The following NUP107 variants were observed in gnomAD, a reference collection of about 807,000 sequenced individuals.
NUP107 encodes nucleoporin 107, also known as nuclear pore complex protein Nup107.
In NUP107, 101 loss-of-function variants were observed where a neutral mutation model predicts 141.0. The observed-to-expected ratio is 0.72, with a 90% CI of 0.61 to 0.84. The LOEUF (loss-of-function observed/expected upper bound fraction) is 0.84. NUP107 is among the 40% of genes least tolerant of loss of function. The pLI, the probability that NUP107 is intolerant of heterozygous loss-of-function variation, is 0.00. For missense variants in NUP107, 941 were observed against 1,102.7 expected, an observed-to-expected ratio of 0.85 and a Z score of 2.08; for synonymous variants, 319 against 363.9, an observed-to-expected ratio of 0.88 and a Z score of 1.41.
intron 20 of NUP107, 94 bp downstream of exon 20, chr12:68,727,483 A>G: frequency 1.4e-6 from 1 of 691,882 alleles, no homozygotes; most frequent in Non-Finnish European, 2.5e-6. Flanking sequence ...GTGGTAAGAA[A>G]GCATCAGAAT....
At chr12:68,740,615 T>TCA (rs1405796062) in intron 26 of NUP107, among the ~76,000 whole-genome samples, 1 of 152,146 alleles carries the variant, frequency 6.6e-6, no homozygotes, top group Non-Finnish European at 1.5e-5. Context: ...ATATAGCCTC[T>TCA]CACATGAAGA....
intron 14 of NUP107, 82 bp downstream of exon 14, chr12:68,719,736 A>C (rs978523000): frequency 1.0e-6 from 1 of 995,622 alleles, no homozygotes; most frequent in Non-Finnish European, 1.6e-6. Context: ...AAACATTGAA[A>C]GTAGTGTAAA....
At position 68,731,731 on chromosome 12, in the gene NUP107, TG is replaced by T. The variant is rs751837282; in HGVS notation, c.1998+19del. 5.0e-6 allele frequency: 7 copies of T among 1,393,562 alleles called. No individual in the cohort carries two copies. The highest frequency in any genetic ancestry group is 1.5e-5 in the African/African-American group (1 of 67,112). 86.3% of individuals were successfully genotyped at this position (1,393,562 alleles called of 1,614,324 possible). ...CTGGCACTACTGAGGTAATTTGGGA[TG>T]GGGGGGCAGAGGTTTCTATAACTTC... is the stretch of plus-strand genomic sequence containing the variant. On this transcript the variant is annotated intron_variant, in intron 22 of 27. Transcript: ENST00000229179.
intron 19 of NUP107, 73 bp from the exon 20 acceptor site, chr12:68,727,278 G>T (rs1877604315): frequency 4.0e-6 from 3 of 742,284 alleles, no homozygotes; most frequent in Non-Finnish European, 7.0e-6. Context: ...TTTAATAATG[G>T]AATTTGTATC....
At chr12:68,702,384 C>T (rs1876373745) in intron 7 of NUP107, among the ~76,000 whole-genome samples, 1 of 152,124 alleles carries the variant, frequency 6.6e-6, no homozygotes, top group African/African-American at 2.4e-5. Context: ...CTCAGCCTCC[C>T]AAAATGCTGA....
chr12:68,712,063 T>TA (rs1366353118), intron 10 of NUP107, among the ~76,000 whole-genome samples: 7 of 152,136 alleles, frequency 4.6e-5, no homozygotes, highest in African/African-American at 1.7e-4. Context: ...TCTAAATTAT[T>TA]ATAGGCCCTT....
intron 8 of NUP107, among the ~76,000 whole-genome samples, chr12:68,703,771 T>A (rs2546523): frequency 0.86 from 130,209 of 152,242 alleles, 55,896 homozygotes; most frequent in Non-Finnish European, 0.89. Context: ...TTTAAAATTA[T>A]TATTTCTTAG....
chr12:68,716,511 A>T (rs1036316768), intron 12 of NUP107, among the ~76,000 whole-genome samples: 13 of 152,006 alleles, frequency 8.6e-5, no homozygotes, highest in African/African-American at 2.7e-4. Context: ...GATTGCAGGC[A>T]TGAGCCACTG....
chr12:68,736,717 C>CTTTTTTTTTTTTTT (rs10713889), intron 26 of NUP107, among the ~76,000 whole-genome samples: 25 of 105,878 alleles, frequency 2.4e-4, no homozygotes, highest in African/African-American at 8.2e-4. Flanking sequence ...GTGTCGCCAC[C>CTTTTTTTTTTTTTT]TTTTTTTTTT....
In NUP107 at chr12:68,726,509, T is replaced by C. The variant is rs1877569781; in HGVS notation, c.1587T>C (p.Asp529=). 4 of 1,609,350 alleles carry C rather than the reference T, an allele frequency of 2.5e-6. No individual in the cohort carries two copies. Among genetic ancestry groups the C allele is most frequent in the Non-Finnish European group, 3.4e-6 (4 of 1,175,766 alleles). Residue 529 remains aspartate, a synonymous_variant, in exon 19 of 28, where the codon GAT becomes GAC. Transcript: ENST00000229179. ...LILGDIDGLM[D]EFSKWLSKSR... Reference sequence around the variant, plus strand: ...TTTGATGGCTTGTAGGTTTGATGGATGAGTTTAGCAAATGGCTTTCCAAAA... The same window carrying C: ...TTTGATGGCTTGTAGGTTTGATGGACGAGTTTAGCAAATGGCTTTCCAAAA...
chr12:68,735,281 G>A lies in NUP107; in HGVS notation c.2439G>A (p.Val813=), dbSNP rs765979485. The A allele has an allele frequency of 1.2e-6, 2 of 1,613,968 alleles. No homozygotes were observed. Among genetic ancestry groups the A allele is most frequent in the South Asian group, 2.2e-5 (2 of 91,068 alleles). ...ATTTGGATGCCCTAACTGCTGATGTGAAGGAGAAAATGTATAACGTCTTGT... is the reference window on the plus strand; with the variant it reads ...ATTTGGATGCCCTAACTGCTGATGTAAAGGAGAAAATGTATAACGTCTTGT... ...KGHLDALTAD[V]KEKMYNVLLF... Residue 813 remains valine (V), a synonymous_variant, in exon 26 of 28, where the codon GTG becomes GTA. Coordinates refer to ENST00000229179, the MANE Select transcript of NUP107 (RefSeq NM_020401.4).
At position 68,721,176 on chromosome 12, in the gene NUP107, A is replaced by C; in HGVS notation, c.1310A>C (p.Gln437Pro). The change falls in exon 15 of 28, where the codon CAG becomes CCG. Residue 437 changes from glutamine to proline, a missense_variant and splice_region_variant. Physicochemically the swap from Gln to Pro is moderately conservative, Grantham distance 76 (BLOSUM62 -1). Transcript: ENST00000229179. ...GCAGCTTTAAGTGGGAATCTTAAGC[A>C]GGTATGCAATCTGTTTTAATGTTTA... The part of the protein sequence containing the change: ...IYAALSGNLK[Q>P]LLPVCDTWED... The C allele has an allele frequency of 6.2e-7, 1 of 1,602,292 alleles. No individual in the cohort carries two copies. Among genetic ancestry groups the C allele is most frequent in the Non-Finnish European group, 8.5e-7 (1 of 1,171,168 alleles).
At position 68,721,152 on chromosome 12, in the gene NUP107, C is replaced by T; in HGVS notation, c.1286C>T (p.Ala429Val). The change falls in exon 15 of 28, where the codon GCA becomes GTA. Residue 429 changes from alanine (A) to valine (V), a missense_variant. Ala to Val is a moderately conservative substitution (Grantham distance 64). Coordinates refer to ENST00000229179, the MANE Select transcript of NUP107 (RefSeq NM_020401.4). ...AATAGATACGAGAGAGCAATTTATG[C>T]AGCTTTAAGTGGGAATCTTAAGCAG... Reference protein sequence around the residue: ...LFNRYERAIYAALSGNLKQLL... With the variant: ...LFNRYERAIYVALSGNLKQLL... The T allele has an allele frequency of 6.2e-7, 1 of 1,608,094 alleles. No homozygotes were observed. The highest frequency in any genetic ancestry group is 8.5e-7 in the Non-Finnish European group (1 of 1,175,682).
intron 8 of NUP107, chr12:68,706,628 C>T (rs2546522): frequency 0.26 from 180,015 of 703,382 alleles, 24,391 homozygotes; most frequent in East Asian, 0.29. Flanking sequence ...CCCTGGAGGC[C>T]GCCATCGCAG....
At chr12:68,728,509 C>T (rs945529943) in intron 20 of NUP107, among the ~76,000 whole-genome samples, 6 of 150,272 alleles carry the variant, frequency 4.0e-5, no homozygotes, top group African/African-American at 7.3e-5. Flanking sequence ...CTGCAGCCTC[C>T]GCCTCCCAGG....
chr12:68,729,598 C>A (rs1877726376), intron 20 of NUP107, among the ~76,000 whole-genome samples: 1 of 151,820 alleles, frequency 6.6e-6, no homozygotes, highest in Non-Finnish European at 1.5e-5. Flanking sequence ...TGTGCACCAC[C>A]ACGCCTGGCT....
rs1184073790 is a variant in NUP107 at position 68,691,723 on chromosome 12, AC to A, written c.304-244del. Among the ~76,000 whole-genome samples the A allele has an allele frequency of 2.0e-5, 3 of 152,098 alleles. No homozygotes were observed. In the South Asian group the frequency reaches 6.2e-4, roughly 32 times the overall value. ...GTGGCACGTGCCTGTAGTCCCAGCT[AC>A]TTGGGAGGCTGAAGTGGGAAGATGG... On this transcript the variant is annotated intron_variant, in intron 4 of 27. Transcript: ENST00000229179.
intron 10 of NUP107, 124 bp from the exon 11 acceptor site, chr12:68,713,606 G>C: frequency 1.4e-6 from 1 of 704,948 alleles, no homozygotes; most frequent in Non-Finnish European, 2.4e-6. Flanking sequence ...TCTGTATTAA[G>C]GATTTTTGCA....
chr12:68,687,680 A>G, intron 1 of NUP107: 1 of 981,996 alleles, frequency 1.0e-6, no homozygotes, highest in Non-Finnish European at 1.2e-6. Context: ...TGGTCTTTGA[A>G]TAATAAGAGT....
Sources: gnomAD v4.1 joint callset for allele counts (sites outside exome capture counted in the v4.1 genomes callset) on GRCh38, gnomAD v4.1.1 for gene constraint, MANE v1.5 for transcripts, NCBI Gene and HGNC (gene_info 2026-07-23, HGNC 2026-07-21) for gene names.